GABRR3: variants seen among roughly 807,000 people sequenced by gnomAD.
The protein encoded by GABRR3 is gamma-aminobutyric acid receptor subunit rho-3.
Under a neutral mutation model 43.2 loss-of-function variants are expected in GABRR3, and 29 were observed. The observed-to-expected ratio is 0.67, with a 90% CI of 0.50 to 0.92. The LOEUF is 0.92. GABRR3 is among the 40% of genes least tolerant of loss of function. The pLI is 0.00. For synonymous variants in GABRR3, 206 were observed against 195.9 expected, an observed-to-expected ratio of 1.05 and a Z score of -0.43; for missense variants, 576 against 572.3, an observed-to-expected ratio of 1.01 and a Z score of -0.07.
intron 7 of GABRR3, among the ~76,000 whole-genome samples, chr3:98,002,937 GC>G (rs967130254): frequency 2.0e-5 from 3 of 151,932 alleles, no homozygotes; most frequent in African/African-American, 7.3e-5. Context: ...AATACACCTG[GC>G]CAACCCACAC....
intron 7 of GABRR3, among the ~76,000 whole-genome samples, chr3:98,002,359 A>G (rs1238271970): frequency 1.3e-5 from 2 of 152,168 alleles, no homozygotes; most frequent in Non-Finnish European, 2.9e-5. Context: ...TTTGCTTCCT[A>G]TTGAAATTAT....
At chr3:98,014,711 A>C (rs1051814863) in intron 4 of GABRR3, among the ~76,000 whole-genome samples, 3 of 152,210 alleles carry the variant, frequency 2.0e-5, no homozygotes, top group African/African-American at 7.2e-5. Flanking sequence ...ACTTTCTAGA[A>C]TTTTTATGTG....
intron 3 of GABRR3, among the ~76,000 whole-genome samples, chr3:98,019,190 T>C (rs1381258796): frequency 6.6e-6 from 1 of 151,940 alleles, no homozygotes; most frequent in Non-Finnish European, 1.5e-5. Flanking sequence ...AAGAAAGATT[T>C]AGAGGAGTCA....
chr3:98,027,358 T>G (rs1381482030), intron 2 of GABRR3, among the ~76,000 whole-genome samples: 1 of 152,226 alleles, frequency 6.6e-6, no homozygotes, highest in Non-Finnish European at 1.5e-5. Context: ...ATTTAATAAA[T>G]CTAACTACTT....
intron 4 of GABRR3, among the ~76,000 whole-genome samples, chr3:98,014,976 A>C (rs1278459322): frequency 6.6e-6 from 1 of 152,208 alleles, no homozygotes; most frequent in Admixed American, 6.5e-5. Context: ...TTTATGTATC[A>C]ACAATACTTA....
chr3:97,987,140 T>C (rs895270528), intron 9 of GABRR3, 158 bp from the exon 10 acceptor site: 3 of 171,778 alleles, frequency 1.7e-5, no homozygotes, highest in African/African-American at 2.4e-5. Context: ...ATAGAAAATA[T>C]AGCAGTATCC....
chr3:97,986,889 A>G, exon 10 of GABRR3: 1 of 1,611,776 alleles, frequency 6.2e-7, no homozygotes, highest in South Asian at 1.1e-5. Flanking sequence ...GAGTTTAGAG[A>G]GAGGGAAGTC....
At chr3:98,009,112 C>G in intron 5 of GABRR3, 74 bp from the exon 6 acceptor site, 1 of 918,670 alleles carries the variant, frequency 1.1e-6, no homozygotes, top group East Asian at 2.7e-5. Flanking sequence ...AACATTGAAG[C>G]TTTCTTACTG....
intron 2 of GABRR3, among the ~76,000 whole-genome samples, chr3:98,030,270 G>T (rs147151298): frequency 6.6e-6 from 1 of 151,304 alleles, no homozygotes; most frequent in Non-Finnish European, 1.5e-5. Context: ...TAATTTTCTC[G>T]GTAAAGAAAA....
chr3:97,994,042 C>T (rs1396365334), intron 8 of GABRR3, among the ~76,000 whole-genome samples: 1 of 152,180 alleles, frequency 6.6e-6, no homozygotes, highest in Non-Finnish European at 1.5e-5. Context: ...TTGAAATGTA[C>T]ACTGGCTGGT....
intron 7 of GABRR3, among the ~76,000 whole-genome samples, chr3:98,005,195 T>A (rs1008416980): frequency 1.4e-5 from 2 of 143,260 alleles, no homozygotes; most frequent in Admixed American, 1.4e-4. Flanking sequence ...CTATTGTTAA[T>A]CTTTCTAGGC....
intron 5 of GABRR3, among the ~76,000 whole-genome samples, chr3:98,010,831 G>A (rs1403077767): frequency 6.6e-6 from 1 of 152,208 alleles, no homozygotes. Flanking sequence ...CAGGCACCAT[G>A]GCTCACACCT....
intron 7 of GABRR3, among the ~76,000 whole-genome samples, chr3:98,007,145 T>G (rs574107906): frequency 3.4e-4 from 52 of 151,748 alleles, no homozygotes; most frequent in Non-Finnish European, 6.3e-4. Context: ...ATGACCGAGA[T>G]AGGGAACGGT....
chr3:97,986,977 A>G (rs891545128), exon 10 of GABRR3: 11 of 1,561,972 alleles, frequency 7.0e-6, no homozygotes, highest in Non-Finnish European at 9.5e-6. Flanking sequence ...TGTACATCCT[A>G]GAAATCTGTC....
At chr3:97,992,199 G>T (rs980776252) in intron 9 of GABRR3, among the ~76,000 whole-genome samples, 2 of 152,078 alleles carry the variant, frequency 1.3e-5, no homozygotes, top group Non-Finnish European at 2.9e-5. Flanking sequence ...AGGATACTGT[G>T]GGGGGAAGAA....
chr3:97,992,189 A>G (rs1284939172), intron 9 of GABRR3, among the ~76,000 whole-genome samples: 1 of 152,186 alleles, frequency 6.6e-6, no homozygotes, highest in Non-Finnish European at 1.5e-5. Context: ...CCTCATTCCT[A>G]GGATACTGTG....
At chr3:98,016,761 T>C (rs1024833048) in intron 4 of GABRR3, among the ~76,000 whole-genome samples, 1 of 152,194 alleles carries the variant, frequency 6.6e-6, no homozygotes. Flanking sequence ...ATGTATAAGC[T>C]AGCAATGTTA....
intron 7 of GABRR3, 130 bp downstream of exon 7, chr3:98,007,634 A>G: frequency 1.1e-6 from 1 of 943,788 alleles, no homozygotes; most frequent in Admixed American, 2.4e-5. Flanking sequence ...CTCCCTGTAA[A>G]AGGAGAGGAA....
chr3:98,017,631 G>A lies in GABRR3; in HGVS notation c.306+24C>T, dbSNP rs754943982. On this transcript the variant is annotated intron_variant, in intron 4 of 9. Coordinates refer to ENST00000621172, the Ensembl canonical transcript of GABRR3. ...GAGTTTCTGTCTTTTCAGAAAAAGA[G>A]CAATATCCCATGAAGAAACTTACCA... 18 of 1,573,494 alleles carry A rather than the reference G, an allele frequency of 1.1e-5. No individual in the cohort carries two copies. The African/African-American group carries it at 1.2e-4, about 11-fold the overall frequency.
Sources: gnomAD v4.1 joint callset for allele counts (sites outside exome capture counted in the v4.1 genomes callset) on GRCh38, gnomAD v4.1.1 for gene constraint, MANE v1.5 for transcripts, NCBI Gene and HGNC (gene_info 2026-07-23, HGNC 2026-07-21) for gene names.